PDZK1IP1: variants seen among roughly 807,000 people sequenced by gnomAD.
PDZK1IP1 encodes the protein PDZK1-interacting protein 1.
A neutral mutation model predicts 14.7 loss-of-function variants in PDZK1IP1; 9 were observed. The observed-to-expected ratio is 0.61, with a 90% confidence interval of 0.37 to 1.07. The LOEUF (loss-of-function observed/expected upper bound fraction) is 1.07, where lower values mean the gene tolerates loss of function less well. Among genes scored for constraint, PDZK1IP1 ranks in the 50% least tolerant of loss-of-function variants. The pLI is 0.01. For synonymous variants in PDZK1IP1, 70 were observed against 61.2 expected, an observed-to-expected ratio of 1.14 and a Z score of -0.67; for missense variants, 152 against 148.7, an observed-to-expected ratio of 1.02 and a Z score of -0.11.
chr1:47,185,280 A>C, intron 2 of PDZK1IP1, 183 bp from the exon 3 acceptor site: 2 of 590,330 alleles, frequency 3.4e-6, no homozygotes, highest in South Asian at 2.0e-5. Context: ...CTTTCTCCCC[A>C]CTCCATAGTG....
At chr1:47,187,515 C>A in intron 1 of PDZK1IP1, 88 bp from the exon 2 acceptor site, 1 of 1,051,560 alleles carries the variant, frequency 9.5e-7, no homozygotes. Flanking sequence ...TCAAGGACCC[C>A]ACCTATGCTG....
In PDZK1IP1 at chr1:47,183,834, G is replaced by A. The variant is rs1005747671; in HGVS notation, c.*137C>T. On this transcript the variant is annotated 3_prime_UTR_variant, in exon 4 of 4. Transcript: ENST00000294338. ...CCTTGGCTGGCTATACTTCAAGGGC[G>A]GGTAGGGCCGGCATGGGGCTGGAGG... is the stretch of plus-strand genomic sequence containing the variant. 4.3e-5 allele frequency: 32 copies of A among 737,810 alleles called. No homozygotes were observed. The highest frequency in any genetic ancestry group is 8.7e-5 in the African/African-American group (5 of 57,464). The allele number at this position is 737,810 out of a possible 1,614,324, so 45.7% of individuals were successfully genotyped here.
chr1:47,185,407 C>T, intron 2 of PDZK1IP1: 1 of 349,190 alleles, frequency 2.9e-6, no homozygotes, highest in Non-Finnish European at 5.4e-6. Context: ...CCCCAAATTT[C>T]CCCAGCTCGT....
chr1:47,188,395 C>CT (rs1488890630), intron 1 of PDZK1IP1, among the ~76,000 whole-genome samples: 4 of 152,204 alleles, frequency 2.6e-5, no homozygotes, highest in Admixed American at 1.3e-4. Context: ...CCCCAAAGGA[C>CT]TTTCCTCTTC....
rs770763970 is a variant in PDZK1IP1, at chr1:47,185,053, C to T, written c.221G>A (p.Gly74Glu). 7.9e-5 allele frequency: 127 copies of T among 1,613,480 alleles called. 1 individual carries two copies. In the Middle Eastern group the frequency reaches 2.8e-3, roughly 36 times the overall value. ...CCTTCCATCTGTTCCCACCAGGACT[C>T]CATCTGCCTTGTTTCCGACGGTCAG... is the stretch of plus-strand genomic sequence containing the variant. Reference protein sequence around the residue: ...MILTVGNKADGVLVGTDGRYS... With the variant: ...MILTVGNKADEVLVGTDGRYS... Residue 74 changes from glycine (G) to glutamate (E), a missense_variant, in exon 3 of 4, where the codon GGA becomes GAA. Physicochemically the swap from Gly to Glu is moderately conservative, Grantham distance 98. Transcript: ENST00000294338.
At chr1:47,187,232 T>C in intron 2 of PDZK1IP1, 87 bp downstream of exon 2, 1 of 897,418 alleles carries the variant, frequency 1.1e-6, no homozygotes, top group Non-Finnish European at 1.8e-6. Context: ...GACACAGGGT[T>C]TCTGAGGCCC....
rs1557661418 is a variant in PDZK1IP1, at chr1:47,187,198, CCTT to C, written c.176+118_176+120del. The C allele has an allele frequency of 6.3e-3, 4,592 of 727,184 alleles. 54 individuals carry two copies. Among genetic ancestry groups the C allele is most frequent in the Non-Finnish European group, 9.0e-3 (3,746 of 418,080 alleles). 45.0% of individuals were successfully genotyped at this position (727,184 alleles called of 1,614,324 possible). A position where few individuals can be genotyped will look rare whatever the true frequency, so the allele number is the denominator to read the frequency against. On this transcript the variant is annotated intron_variant, in intron 2 of 3. Coordinates refer to ENST00000294338, the MANE Select transcript of PDZK1IP1 (RefSeq NM_005764.4). Reference sequence around the variant, plus strand: ...TGACCTTGAGCCTCAGTTTCCCTTCCCTTGAGCCTCAGGGGGAGGATTGGACAC... The same window carrying C: ...TGACCTTGAGCCTCAGTTTCCCTTCCGAGCCTCAGGGGGAGGATTGGACAC...
chr1:47,189,777 T>G, intron 1 of PDZK1IP1, 89 bp downstream of exon 1: 1 of 956,172 alleles, frequency 1.0e-6, no homozygotes, highest in African/African-American at 1.7e-5. Flanking sequence ...CCCTCCAAAC[T>G]GTAAGTATCA....
At chr1:47,184,367 ATCC>A (rs2148571997) in intron 3 of PDZK1IP1, among the ~76,000 whole-genome samples, 1 of 43,766 alleles carries the variant, frequency 2.3e-5, no homozygotes, top group Admixed American at 3.0e-4. Flanking sequence ...AACTGAGTCC[ATCC>A]CCACTGAACC....
intron 1 of PDZK1IP1, among the ~76,000 whole-genome samples, chr1:47,188,373 A>G (rs1645332427): frequency 6.6e-6 from 1 of 152,152 alleles, no homozygotes; most frequent in Non-Finnish European, 1.5e-5. Flanking sequence ...CCCTGCCTTC[A>G]GGCCTCTGCT....
rs115217667 is a variant in PDZK1IP1 at position 47,186,653 on chromosome 1, C to A, written c.176+666G>T. On this transcript the variant is annotated intron_variant, in intron 2 of 3. Coordinates refer to ENST00000294338, the MANE Select transcript of PDZK1IP1 (RefSeq NM_005764.4). ...CCCTTCACCTGTGTGTGTCTGTCCC[C>A]AGCAGCCCTGGTGCCGTGCCCCTAA... Among the ~76,000 whole-genome samples, 896 of 152,300 alleles carry A rather than the reference C, an allele frequency of 5.9e-3. 10 individuals carry two copies. The highest frequency in any genetic ancestry group is 0.021 in the African/African-American group (870 of 41,554).
At position 47,187,360 on chromosome 1, in the gene PDZK1IP1, T is replaced by G. The variant is rs1645326444; in HGVS notation, c.135A>C (p.Ala45=). ...AGAAGTGGTTGACTGCAAAGGCGAT[T>G]GCAACGAGGACCAGGAACACGGCCA... The part of the protein sequence containing the change: ...IAVAVFLVLV[A]IAFAVNHFWC... Residue 45 remains alanine (A), a synonymous_variant, in exon 2 of 4, where the codon GCA becomes GCC. Coordinates refer to ENST00000294338, the MANE Select transcript of PDZK1IP1 (RefSeq NM_005764.4). The G allele has an allele frequency of 6.2e-7, 1 of 1,612,666 alleles. No homozygotes were observed. The highest frequency in any genetic ancestry group is 1.1e-5 in the South Asian group (1 of 91,084).
In PDZK1IP1 at chr1:47,189,997, G is replaced by A. The variant is rs1645343743; in HGVS notation, c.-65C>T. 3 of 1,265,854 alleles carry A rather than the reference G, an allele frequency of 2.4e-6. No individual in the cohort carries two copies. The highest frequency in any genetic ancestry group is 2.1e-6 in the Non-Finnish European group (2 of 933,508). 78.4% of individuals were successfully genotyped at this position (1,265,854 alleles called of 1,614,324 possible). ...TCTGGGCTCCTGGAGCTGCTGTGGA[G>A]TCTATTGGTGTCCGCCTGAAATCAA... On this transcript the variant is annotated 5_prime_UTR_variant, in exon 1 of 4. Coordinates refer to ENST00000294338, the MANE Select transcript of PDZK1IP1 (RefSeq NM_005764.4).
At chr1:47,185,938 A>G (rs1023546380) in intron 2 of PDZK1IP1, among the ~76,000 whole-genome samples, 1 of 151,308 alleles carries the variant, frequency 6.6e-6, no homozygotes, top group Non-Finnish European at 1.5e-5. Context: ...AGACTCTTCC[A>G]CCGCTGCCGT....
At chr1:47,185,556 T>C (rs1645314160) in intron 2 of PDZK1IP1, among the ~76,000 whole-genome samples, 1 of 152,126 alleles carries the variant, frequency 6.6e-6, no homozygotes, top group Non-Finnish European at 1.5e-5. Flanking sequence ...GTGTGGGCTC[T>C]CCCTGAAGCC....
In PDZK1IP1 at chr1:47,183,611, T is replaced by G. The variant is rs559952305; in HGVS notation, c.*360A>C. The G allele has an allele frequency of 3.5e-4, 86 of 248,286 alleles. No individual in the cohort carries two copies. Among genetic ancestry groups the G allele is most frequent in the African/African-American group, 1.5e-3 (69 of 44,584 alleles). 15.4% of individuals were successfully genotyped at this position (248,286 alleles called of 1,614,324 possible). On this transcript the variant is annotated 3_prime_UTR_variant, in exon 4 of 4. Transcript: ENST00000294338. Reference sequence around the variant, plus strand: ...GACTCACTGGAAGCCTGAGGGGCTGTTGCTGAGCCTCAGCCCCAGAAATAC... The same window carrying G: ...GACTCACTGGAAGCCTGAGGGGCTGGTGCTGAGCCTCAGCCCCAGAAATAC...
chr1:47,186,712 A>C (rs1418181682), intron 2 of PDZK1IP1, among the ~76,000 whole-genome samples: 1 of 152,214 alleles, frequency 6.6e-6, no homozygotes, highest in East Asian at 1.9e-4. Context: ...CCTCAACTGC[A>C]GCGCTCTTCC....
At chr1:47,188,764 A>G (rs548504545) in intron 1 of PDZK1IP1, among the ~76,000 whole-genome samples, 1 of 152,324 alleles carries the variant, frequency 6.6e-6, no homozygotes, top group Non-Finnish European at 1.5e-5. Flanking sequence ...GGGGAAGCAG[A>G]AGACACACAG....
At chr1:47,186,231 C>G (rs761148327) in intron 2 of PDZK1IP1, among the ~76,000 whole-genome samples, 10 of 152,022 alleles carry the variant, frequency 6.6e-5, no homozygotes, top group Non-Finnish European at 1.5e-4. Flanking sequence ...CCGCTTGAAC[C>G]CGGGAGGCAG....
Sources: allele counts gnomAD v4.1 joint callset (sites outside exome capture counted in the v4.1 genomes callset), GRCh38; gene constraint gnomAD v4.1.1; transcripts MANE v1.5; gene names NCBI Gene and HGNC (gene_info 2026-07-23, HGNC 2026-07-21).